CYFIP1: variants seen among roughly 807,000 people sequenced by gnomAD.
CYFIP1 encodes cytoplasmic FMR1 interacting protein 1, also known as cytoplasmic FMR1-interacting protein 1.
CYFIP1 carries 58 observed loss-of-function variants against 163.5 expected under a neutral mutation model. The observed-to-expected ratio is 0.35, with a 90% CI of 0.29 to 0.44. The LOEUF (loss-of-function observed/expected upper bound fraction) is 0.44. Ranked by LOEUF, CYFIP1 falls within the 20% of genes least tolerant of loss-of-function variation. The pLI is 1.00. For missense variants in CYFIP1, 1,338 were observed against 1,653.8 expected, an observed-to-expected ratio of 0.81 and a Z score of 3.31; for synonymous variants, 663 against 660.7, an observed-to-expected ratio of 1.00 and a Z score of -0.05.
chr15:22,892,853 A>T, intron 23 of CYFIP1, 37 bp downstream of exon 23: 1 of 1,474,258 alleles, frequency 6.8e-7, no homozygotes, highest in Non-Finnish European at 9.5e-7. Context: ...CTTCATTATG[A>T]GCTTCAAGCT....
At chr15:22,956,103 A>T (rs967066815) in intron 1 of CYFIP1, among the ~76,000 whole-genome samples, 1 of 152,122 alleles carries the variant, frequency 6.6e-6, no homozygotes, top group Non-Finnish European at 1.5e-5. Context: ...GCTACTTGGG[A>T]AACTGAGGCA....
intron 22 of CYFIP1, among the ~76,000 whole-genome samples, chr15:22,897,445 C>A (rs1347869058): frequency 2.6e-5 from 4 of 151,574 alleles, no homozygotes; most frequent in Non-Finnish European, 5.9e-5. Flanking sequence ...ACCTCTGGCA[C>A]CTCTAGTGAA....
chr15:22,909,851 A>G lies in CYFIP1; in HGVS notation c.2269-538T>C, dbSNP rs966404793. Among the ~76,000 whole-genome samples, 7 of 152,234 alleles carry G rather than the reference A, an allele frequency of 4.6e-5. No individual in the cohort carries two copies. In the South Asian group the frequency reaches 6.2e-4, roughly 14 times the overall value. ...AAAAGCTGTAAAAAATAAGCACTGT[A>G]TATCTTTAAATTCTTCCTGCTGGCC... On this transcript the variant is annotated intron_variant, in intron 20 of 30. Coordinates refer to ENST00000617928, the MANE Select transcript of CYFIP1 (RefSeq NM_014608.6).
Position 22,879,967 on chromosome 15 carries a change from G to C in CYFIP1, c.2988C>G (p.Asn996Lys). 6.2e-7 allele frequency: 1 copy of C among 1,613,936 alleles called. No individual in the cohort carries two copies. The highest frequency in any genetic ancestry group is 1.1e-5 in the South Asian group (1 of 91,076). The change falls in exon 26 of 31, where the codon AAC (asparagine) becomes AAG (lysine). Residue 996 changes from asparagine to lysine, a missense_variant. Asn to Lys is a moderately conservative substitution (Grantham distance 94). Coordinates refer to ENST00000617928, the MANE Select transcript of CYFIP1 (RefSeq NM_014608.6). The part of the protein sequence containing the change: ...YAELKTVCFQ[N>K]LREVGNAILF... Reference sequence around the variant, plus strand: ...GGATGGCGTTCCCCACCTCCCGCAGGTTCTGGAAGCACACCGTCTTCAGCT... The same window carrying C: ...GGATGGCGTTCCCCACCTCCCGCAGCTTCTGGAAGCACACCGTCTTCAGCT...
At chr15:22,909,584 A>G (rs2060711784) in intron 20 of CYFIP1, among the ~76,000 whole-genome samples, 1 of 152,204 alleles carries the variant, frequency 6.6e-6, no homozygotes. Flanking sequence ...AAAATATGAC[A>G]AAGCCCTGGT....
intron 25 of CYFIP1, among the ~76,000 whole-genome samples, chr15:22,881,274 C>G (rs1216677320): frequency 1.3e-5 from 2 of 152,216 alleles, no homozygotes; most frequent in Non-Finnish European, 2.9e-5. Context: ...TTCAAGAAAA[C>G]TCGGCCAGGT....
chr15:22,917,280 C>T lies in CYFIP1; in HGVS notation c.1674+508G>A, dbSNP rs761297525. 10 of 1,376,112 alleles carry T rather than the reference C, an allele frequency of 7.3e-6. 1 individual carries two copies. The highest frequency in any genetic ancestry group is 3.7e-5 in the South Asian group (2 of 53,688). The allele number at this position is 1,376,112 out of a possible 1,614,324, so 85.2% of individuals were successfully genotyped here. A position where few individuals can be genotyped will look rare whatever the true frequency, so the allele number is the denominator to read the frequency against. Reference sequence around the variant, plus strand: ...ATGAGGGAGAAGACCAGCCCCAGGACGGAGGACAGACGCAGCGGTGTGGAT... The same window carrying T: ...ATGAGGGAGAAGACCAGCCCCAGGATGGAGGACAGACGCAGCGGTGTGGAT... On this transcript the variant is annotated intron_variant, in intron 15 of 30. Transcript: ENST00000617928. This position sits in a 1 kb window ranked among gnomAD's most constrained non-coding sequence, Gnocchi z 4.2.
intron 30 of CYFIP1, 51 bp from the exon 31 acceptor site, chr15:22,870,243 T>A (rs2059392005): frequency 6.6e-7 from 1 of 1,521,478 alleles, no homozygotes; most frequent in African/African-American, 1.4e-5. Flanking sequence ...CAACATTTAT[T>A]CTTCATGTTT....
intron 21 of CYFIP1, chr15:22,904,281 A>G (rs2142017965): frequency 3.4e-6 from 1 of 295,844 alleles, no homozygotes; most frequent in South Asian, 3.7e-5. Context: ...GTTGGAGCTG[A>G]GCCAGCTTTC....
chr15:22,944,518 C>T, intron 5 of CYFIP1, 40 bp downstream of exon 5: 1 of 1,398,916 alleles, frequency 7.1e-7, no homozygotes, highest in Admixed American at 1.7e-5. Context: ...GCAACCCACC[C>T]CTCGGTGTTA....
intron 16 of CYFIP1, chr15:22,915,199 T>C: frequency 4.5e-6 from 1 of 221,992 alleles, no homozygotes; most frequent in Non-Finnish European, 8.7e-6. Flanking sequence ...GGCGCGATCA[T>C]AGCTTACTGC....
chr15:22,934,665 T>G (rs2061657390), intron 9 of CYFIP1, among the ~76,000 whole-genome samples: 1 of 148,824 alleles, frequency 6.7e-6, no homozygotes, highest in South Asian at 2.1e-4. Context: ...GCCCAGCTAA[T>G]TTTTTTGTAT....
Position 22,946,785 on chromosome 15 carries a change from G to A in CYFIP1, c.207+218C>T, listed in dbSNP as rs960801532. The A allele has an allele frequency of 4.4e-6, 3 of 685,764 alleles. No individual in the cohort carries two copies. In the African/African-American group the frequency reaches 5.3e-5, roughly 12 times the overall value. The allele number at this position is 685,764 out of a possible 1,614,324, so 42.5% of individuals were successfully genotyped here. On this transcript the variant is annotated intron_variant, in intron 3 of 30. Transcript: ENST00000617928. ...GTGCACCCTTGAAACGCTGACAAAG[G>A]TTTTCTCTGGGCCAGAGACATTGAA...
intron 11 of CYFIP1, among the ~76,000 whole-genome samples, chr15:22,929,013 G>T (rs932160778): frequency 6.6e-6 from 1 of 151,924 alleles, no homozygotes; most frequent in Non-Finnish European, 1.5e-5. Context: ...GAGGTCAGGA[G>T]TTCGAGATCA....
intron 9 of CYFIP1, among the ~76,000 whole-genome samples, chr15:22,935,320 G>A (rs2061678446): frequency 6.6e-6 from 1 of 152,218 alleles, no homozygotes; most frequent in Admixed American, 6.5e-5. Context: ...CAGCACTGCA[G>A]AACAATGGGC....
Position 22,921,283 on chromosome 15 carries a change from G to T in CYFIP1, c.1360-2425C>A, listed in dbSNP as rs964613939. Among the ~76,000 whole-genome samples the T allele has an allele frequency of 7.8e-4, 118 of 151,998 alleles. 1 individual carries two copies. Among genetic ancestry groups the T allele is most frequent in the African/African-American group, 2.5e-3 (102 of 41,392 alleles). Reference sequence around the variant, plus strand: ...CTTGGGAGGCTAAGGCAGGAGAACTGCTTGAAACTGGGAGGTGGAGGTTGC... The same window carrying T: ...CTTGGGAGGCTAAGGCAGGAGAACTTCTTGAAACTGGGAGGTGGAGGTTGC... On this transcript the variant is annotated intron_variant, in intron 13 of 30. Coordinates refer to ENST00000617928, the MANE Select transcript of CYFIP1 (RefSeq NM_014608.6).
chr15:22,867,409 C>T lies in CYFIP1; in HGVS notation c.*2619G>A, dbSNP rs777984357. ...ACAAAACAAAAAAAAGGGCAGAAAT[C>T]ACCCCAAGGAACGATTTCTCAGGTT... is the stretch of plus-strand genomic sequence containing the variant. On this transcript the variant is annotated 3_prime_UTR_variant, in exon 31 of 31. Transcript: ENST00000617928. The T allele has an allele frequency of 2.6e-6, 1 of 380,882 alleles. No homozygotes were observed. The highest frequency in any genetic ancestry group is 4.6e-6 in the Non-Finnish European group (1 of 216,042). The allele number at this position is 380,882 out of a possible 1,614,324, so 23.6% of individuals were successfully genotyped here.
intron 20 of CYFIP1, among the ~76,000 whole-genome samples, chr15:22,910,302 CAG>C (rs1193083716): frequency 2.6e-5 from 4 of 152,122 alleles, no homozygotes; most frequent in Non-Finnish European, 4.4e-5. Context: ...GCTGGGACTA[CAG>C]GAACCCACCA....
intron 23 of CYFIP1, among the ~76,000 whole-genome samples, chr15:22,892,471 C>A (rs74003082): frequency 0.02 from 3,060 of 152,216 alleles, 114 homozygotes; most frequent in African/African-American, 0.07. Context: ...TTTCCAGCTC[C>A]GCTCCTCCGG....
Sources: gnomAD v4.1 joint callset for allele counts (sites outside exome capture counted in the v4.1 genomes callset) on GRCh38, gnomAD v4.1.1 for gene constraint, Gnocchi (gnomAD v3.1) non-coding constraint, MANE v1.5 for transcripts, NCBI Gene and HGNC (gene_info 2026-07-23, HGNC 2026-07-21) for gene names.